The following AGPAT4 variants were observed in gnomAD, a reference collection of about 807,000 sequenced individuals.
AGPAT4 encodes 1-acylglycerol-3-phosphate O-acyltransferase 4.
AGPAT4 carries 15 observed loss-of-function variants against 48.0 expected under a neutral mutation model. The ratio of observed to expected loss-of-function variants is 0.31; its 90% confidence interval spans 0.21 to 0.48. The LOEUF is 0.48. Ranked by LOEUF, AGPAT4 falls within the 20% of genes least tolerant of loss-of-function variation. AGPAT4 has a pLI of 0.99. For missense variants in AGPAT4, 314 were observed against 482.5 expected, an observed-to-expected ratio of 0.65 and a Z score of 3.27; for synonymous variants, 178 against 198.7, an observed-to-expected ratio of 0.90 and a Z score of 0.88.
At chr6:161,209,803 C>A (rs1164943161) in intron 2 of AGPAT4, among the ~76,000 whole-genome samples, 1 of 152,050 alleles carries the variant, frequency 6.6e-6, no homozygotes, top group Non-Finnish European at 1.5e-5. Context: ...TCAATCAAGG[C>A]ATAAATAGAT....
chr6:161,162,498 C>T (rs935637118), intron 3 of AGPAT4, among the ~76,000 whole-genome samples: 2 of 152,304 alleles, frequency 1.3e-5, no homozygotes, highest in South Asian at 2.1e-4. Context: ...GGATGGAGGC[C>T]GGGCAGCAAA....
rs1223571902 is a variant in AGPAT4 at position 161,218,752 on chromosome 6, A to G, written c.178+13284T>C. Among the ~76,000 whole-genome samples, 1 of 152,232 alleles carries G rather than the reference A, an allele frequency of 6.6e-6. No homozygotes were observed. The highest frequency in any genetic ancestry group is 1.5e-5 in the Non-Finnish European group (1 of 68,042). ...TCAACACTTTCCATATCATGTAACC[A>G]TATACTCTGAGGTGGCAGAGGTGAA... On this transcript the variant is annotated intron_variant, in intron 2 of 8. Coordinates refer to ENST00000320285, the MANE Select transcript of AGPAT4 (RefSeq NM_020133.3). The surrounding 1 kb of genome is among the most constrained non-coding windows in gnomAD (Gnocchi z 4.7).
intron 2 of AGPAT4, among the ~76,000 whole-genome samples, chr6:161,192,018 T>C (rs1780934966): frequency 6.6e-6 from 1 of 150,928 alleles, no homozygotes. Context: ...ACAAGGATTG[T>C]CCTATTTTGT....
At chr6:161,157,855 G>C (rs575965171) in intron 3 of AGPAT4, among the ~76,000 whole-genome samples, 3 of 152,148 alleles carry the variant, frequency 2.0e-5, no homozygotes. Context: ...GCTCTACCAC[G>C]ACCCAGCTGT....
rs1779242089 is a variant in AGPAT4 at position 161,141,268 on chromosome 6, G to C, written c.844-1648C>G. Among the ~76,000 whole-genome samples the C allele has an allele frequency of 1.3e-5, 2 of 152,140 alleles. No homozygotes were observed. The highest frequency in any genetic ancestry group is 4.1e-4 in the South Asian group (2 of 4,832). On this transcript the variant is annotated intron_variant, in intron 7 of 8. Coordinates refer to ENST00000320285, the MANE Select transcript of AGPAT4 (RefSeq NM_020133.3). This position sits in a 1 kb window ranked among gnomAD's most constrained non-coding sequence, Gnocchi z 6.7. ...GCGTCACTTGTCGCGTGACTCTGCT[G>C]TTGGACATCAGCCAAGAGAAGCCAT...
rs944494523 is a variant in AGPAT4 at position 161,264,288 on chromosome 6, C to T, written c.-90+9650G>A. ...CCTGTGCCTCTTCTGGGCCTCCCCTCCCAGAGCTGCAGGATGCTCAGCCTC... is the reference window on the plus strand; with the variant it reads ...CCTGTGCCTCTTCTGGGCCTCCCCTTCCAGAGCTGCAGGATGCTCAGCCTC... On this transcript the variant is annotated intron_variant, in intron 1 of 8. Transcript: ENST00000320285. This position sits in a 1 kb window ranked among gnomAD's most constrained non-coding sequence, Gnocchi z 6.8. Among the ~76,000 whole-genome samples the T allele has an allele frequency of 6.6e-6, 1 of 152,154 alleles. No homozygotes were observed. Among genetic ancestry groups the T allele is most frequent in the Non-Finnish European group, 1.5e-5 (1 of 68,022 alleles).
In AGPAT4 at chr6:161,143,519, C is replaced by T. The variant is rs541529372; in HGVS notation, c.843+3005G>A. The stretch of plus-strand genomic sequence containing the variant: ...TGTTCACCCCATACAATTAAGAAAC[C>T]GTGATGGCTATCGTGACCTCCCTGG... On this transcript the variant is annotated intron_variant, in intron 7 of 8. Coordinates refer to ENST00000320285, the MANE Select transcript of AGPAT4 (RefSeq NM_020133.3). The surrounding 1 kb of genome is among the most constrained non-coding windows in gnomAD (Gnocchi z 4.7). Among the ~76,000 whole-genome samples the T allele has an allele frequency of 7.9e-5, 12 of 152,278 alleles. No homozygotes were observed. Among genetic ancestry groups the T allele is most frequent in the South Asian group, 2.1e-4 (1 of 4,822 alleles).
rs143090057 is a variant in AGPAT4 at position 161,140,274 on chromosome 6, G to T, written c.844-654C>A. On this transcript the variant is annotated intron_variant, in intron 7 of 8. Coordinates refer to ENST00000320285, the MANE Select transcript of AGPAT4 (RefSeq NM_020133.3). The surrounding 1 kb of genome is among the most constrained non-coding windows in gnomAD (Gnocchi z 6.5). ...GAGGTGACAGCACACTCAGGACTGG[G>T]TGTCCAGGGTGACTCTTCTAAGTGA... Among the ~76,000 whole-genome samples, 1 of 152,222 alleles carries T rather than the reference G, an allele frequency of 6.6e-6. No individual in the cohort carries two copies. Among genetic ancestry groups the T allele is most frequent in the Admixed American group, 6.5e-5 (1 of 15,290 alleles).
At position 161,184,508 on chromosome 6, in the gene AGPAT4, C is replaced by CT. The variant is rs929297921; in HGVS notation, c.179-18092dup. ...GTTTGAACACATCAGTCATCCTTGGCTTAGTGGTAGGTTCTCGTGATGTTC... is the reference window on the plus strand; with the variant it reads ...GTTTGAACACATCAGTCATCCTTGGCTTTAGTGGTAGGTTCTCGTGATGTTC... On this transcript the variant is annotated intron_variant, in intron 2 of 8. Coordinates refer to ENST00000320285, the MANE Select transcript of AGPAT4 (RefSeq NM_020133.3). This position sits in a 1 kb window ranked among gnomAD's most constrained non-coding sequence, Gnocchi z 4.8. Among the ~76,000 whole-genome samples, 7 of 152,060 alleles carry CT rather than the reference C, an allele frequency of 4.6e-5. No individual in the cohort carries two copies. The highest frequency in any genetic ancestry group is 1.7e-4 in the African/African-American group (7 of 41,458).
intron 4 of AGPAT4, among the ~76,000 whole-genome samples, chr6:161,153,907 A>G (rs1429434248): frequency 2.0e-5 from 3 of 147,758 alleles, no homozygotes; most frequent in African/African-American, 7.6e-5. Flanking sequence ...GGTCACACAC[A>G]GCCCTGGGGT....
Position 161,168,601 on chromosome 6 carries a change from T to TG in AGPAT4, c.179-2185dup, listed in dbSNP as rs536058992. Among the ~76,000 whole-genome samples, 10 of 152,236 alleles carry TG rather than the reference T, an allele frequency of 6.6e-5. 1 individual carries two copies. The South Asian group carries it at 1.9e-3, about 28-fold the overall frequency. Reference sequence around the variant, plus strand: ...TCGACTCCAAGACTCAGCAAGAGCCTGGCACATGGATGCTTTCAACAAATG... The same window carrying TG: ...TCGACTCCAAGACTCAGCAAGAGCCTGGGCACATGGATGCTTTCAACAAATG... On this transcript the variant is annotated intron_variant, in intron 2 of 8. Transcript: ENST00000320285.
rs1488557791 is a variant in AGPAT4, at chr6:161,169,542, C to T, written c.179-3125G>A. On this transcript the variant is annotated intron_variant, in intron 2 of 8. Transcript: ENST00000320285. This position sits in a 1 kb window ranked among gnomAD's most constrained non-coding sequence, Gnocchi z 5.0. The stretch of plus-strand genomic sequence containing the variant: ...AGTGCAGTGGCCCAATCATACATAG[C>T]TCACCGCAGCCTCAACCTCCTGGGT... 6.6e-6 allele frequency among the ~76,000 whole-genome samples: 1 copy of T among 152,154 alleles called. No homozygotes were observed.
In AGPAT4 at chr6:161,197,820, G is replaced by A. The variant is rs1263652175; in HGVS notation, c.179-31403C>T. Among the ~76,000 whole-genome samples the A allele has an allele frequency of 1.3e-5, 2 of 152,160 alleles. No individual in the cohort carries two copies. The highest frequency in any genetic ancestry group is 2.9e-5 in the Non-Finnish European group (2 of 68,034). On this transcript the variant is annotated intron_variant, in intron 2 of 8. Coordinates refer to ENST00000320285, the MANE Select transcript of AGPAT4 (RefSeq NM_020133.3). This position sits in a 1 kb window ranked among gnomAD's most constrained non-coding sequence, Gnocchi z 5.7. ...GAGTTCTGGAAATAAAATTACTTAC[G>A]TGGACTCTAGAGGAAATGTCATCAT...
chr6:161,251,070 T>C lies in AGPAT4; in HGVS notation c.-89-18768A>G, dbSNP rs1390495904. Among the ~76,000 whole-genome samples, 1 of 152,232 alleles carries C rather than the reference T, an allele frequency of 6.6e-6. No homozygotes were observed. Among genetic ancestry groups the C allele is most frequent in the Admixed American group, 6.5e-5 (1 of 15,286 alleles). On this transcript the variant is annotated intron_variant, in intron 1 of 8. Coordinates refer to ENST00000320285, the MANE Select transcript of AGPAT4 (RefSeq NM_020133.3). This position sits in a 1 kb window ranked among gnomAD's most constrained non-coding sequence, Gnocchi z 4.6. ...TTAAATTACGATGAAGTAAGAACTG[T>C]AATTTCTTTCATAATGTTTAAACTT...
At position 161,159,945 on chromosome 6, in the gene AGPAT4, T is replaced by C. The variant is rs1450448181; in HGVS notation, c.349-5635A>G. On this transcript the variant is annotated intron_variant, in intron 3 of 8. Coordinates refer to ENST00000320285, the MANE Select transcript of AGPAT4 (RefSeq NM_020133.3). This position sits in a 1 kb window ranked among gnomAD's most constrained non-coding sequence, Gnocchi z 4.1. ...CACCAAACCTGGCTTTTCTTTTTTT[T>C]TTCTTTTTTTGAGATGGAGTCTTGC... 6.7e-6 allele frequency among the ~76,000 whole-genome samples: 1 copy of C among 149,976 alleles called. No individual in the cohort carries two copies. Among genetic ancestry groups the C allele is most frequent in the East Asian group, 2.0e-4 (1 of 5,068 alleles).
chr6:161,140,655 T>TGAGCC lies in AGPAT4; in HGVS notation c.844-1040_844-1036dup, dbSNP rs1437450669. Among the ~76,000 whole-genome samples the TGAGCC allele has an allele frequency of 7.2e-5, 11 of 152,216 alleles. No homozygotes were observed. Among genetic ancestry groups the TGAGCC allele is most frequent in the African/African-American group, 2.7e-4 (11 of 41,460 alleles). The stretch of plus-strand genomic sequence containing the variant: ...GTGCTCAAGCGGCTGGGAGCTGAGC[T>TGAGCC]GAGCCAGGACCTGGGGGGAACAAGG... On this transcript the variant is annotated intron_variant, in intron 7 of 8. Transcript: ENST00000320285. This position sits in a 1 kb window ranked among gnomAD's most constrained non-coding sequence, Gnocchi z 6.5.
At position 161,219,916 on chromosome 6, in the gene AGPAT4, C is replaced by CAGGCAGGCAGGCAGGCGGCA. The variant is rs770490075; in HGVS notation, c.178+12119_178+12120insTGCCGCCTGCCTGCCTGCCT. 3.0e-4 allele frequency among the ~76,000 whole-genome samples: 32 copies of CAGGCAGGCAGGCAGGCGGCA among 106,032 alleles called. No homozygotes were observed. The highest frequency in any genetic ancestry group is 6.7e-4 in the South Asian group (2 of 2,990). The allele number at this position is 106,032 out of a possible 152,430, so 69.6% of individuals were successfully genotyped here. A position where few individuals can be genotyped will look rare whatever the true frequency, so the allele number is the denominator to read the frequency against. On this transcript the variant is annotated intron_variant, in intron 2 of 8. Transcript: ENST00000320285. The surrounding 1 kb of genome is among the most constrained non-coding windows in gnomAD (Gnocchi z 4.9). ...GCAGGCAGGCAGGCAGGCAGGCAGG[C>CAGGCAGGCAGGCAGGCGGCA]GGCAGGCAGGCAGGCAGGCAGGCAG... is the stretch of plus-strand genomic sequence containing the variant.
intron 1 of AGPAT4, among the ~76,000 whole-genome samples, chr6:161,260,536 T>C (rs930841928): frequency 6.6e-6 from 1 of 150,746 alleles, no homozygotes; most frequent in South Asian, 2.1e-4. Flanking sequence ...CCTGTAGTCC[T>C]AGCTACTCAG....
Position 161,134,427 on chromosome 6 carries a change from A to G in AGPAT4, c.*2113T>C, listed in dbSNP as rs573567214. On this transcript the variant is annotated 3_prime_UTR_variant, in exon 9 of 9. Transcript: ENST00000320285. Reference sequence around the variant, plus strand: ...AAAATAACACATTTTTAGTACGACAAGAAAATTTCTGAGCATTTTTGAGAG... The same window carrying G: ...AAAATAACACATTTTTAGTACGACAGGAAAATTTCTGAGCATTTTTGAGAG... 2.0e-5 allele frequency: 3 copies of G among 151,682 alleles called. No individual in the cohort carries two copies. The highest frequency in any genetic ancestry group is 4.4e-5 in the Non-Finnish European group (3 of 68,036). The allele number at this position is 151,682 out of a possible 1,614,324, so 9.4% of individuals were successfully genotyped here.
Sources: gnomAD v4.1 joint callset for allele counts (sites outside exome capture counted in the v4.1 genomes callset) on GRCh38, gnomAD v4.1.1 for gene constraint, Gnocchi (gnomAD v3.1) non-coding constraint, MANE v1.5 for transcripts, NCBI Gene and HGNC (gene_info 2026-07-23, HGNC 2026-07-21) for gene names.